Variants in BICD1 observed in about 807,000 individuals in gnomAD.
The protein encoded by BICD1 is BICD cargo adaptor 1.
BICD1 carries 35 observed loss-of-function variants against 92.5 expected under a neutral mutation model. The observed-to-expected ratio is 0.38, with a 90% confidence interval of 0.29 to 0.50. BICD1 has a LOEUF of 0.50. Among genes scored for constraint, BICD1 ranks in the 20% least tolerant of loss-of-function variants. The probability of loss-of-function intolerance (pLI) is 0.93; values close to 1 mark genes in which losing one functional copy is unlikely to be tolerated. For missense variants in BICD1, 950 were observed against 1,189.8 expected, an observed-to-expected ratio of 0.80 and a Z score of 2.97; for synonymous variants, 429 against 465.1, an observed-to-expected ratio of 0.92 and a Z score of 1.00.
intron 9 of BICD1, 118 bp from the exon 10 acceptor site, chr12:32,377,422 G>A: frequency 1.3e-6 from 1 of 796,326 alleles, no homozygotes; most frequent in Non-Finnish European, 2.2e-6. Flanking sequence ...ACCATTTACT[G>A]TGCAGATTTC....
chr12:32,351,341 C>T (rs1012230670), intron 8 of BICD1, among the ~76,000 whole-genome samples: 1 of 151,090 alleles, frequency 6.6e-6, no homozygotes, highest in Non-Finnish European at 1.5e-5. Context: ...CAAAAATTAG[C>T]CGGGCATGGT....
intron 1 of BICD1, among the ~76,000 whole-genome samples, chr12:32,178,797 G>A (rs539394981): frequency 1.3e-5 from 2 of 152,036 alleles, no homozygotes; most frequent in South Asian, 4.2e-4. Flanking sequence ...GGCTGGCTGG[G>A]TTGGTAAAAA....
chr12:32,365,219 A>G (rs2136327694), intron 8 of BICD1, among the ~76,000 whole-genome samples: 1 of 152,324 alleles, frequency 6.6e-6, no homozygotes, highest in African/African-American at 2.4e-5. Flanking sequence ...CCTGGGCAAC[A>G]AGAGCAAAAC....
At chr12:32,219,202 A>C (rs1418027483) in intron 2 of BICD1, among the ~76,000 whole-genome samples, 2 of 152,032 alleles carry the variant, frequency 1.3e-5, no homozygotes, top group Admixed American at 6.6e-5. Context: ...TAATGGGATA[A>C]TTTTTCTTTA....
In BICD1 at chr12:32,210,469, G is replaced by A. The variant is rs73297295; in HGVS notation, c.214-5778G>A. On this transcript the variant is annotated intron_variant, in intron 1 of 9. Transcript: ENST00000652176. ...ACGAAATTTCTGTTTATCAATTAACGTATCATCCTGAATATGAACACAGAA... is the reference window on the plus strand; with the variant it reads ...ACGAAATTTCTGTTTATCAATTAACATATCATCCTGAATATGAACACAGAA... 1.2e-3 allele frequency among the ~76,000 whole-genome samples: 183 copies of A among 152,038 alleles called. 1 individual carries two copies. The highest frequency in any genetic ancestry group is 4.2e-3 in the African/African-American group (173 of 41,472).
intron 2 of BICD1, among the ~76,000 whole-genome samples, chr12:32,270,664 A>G (rs1320831443): frequency 6.6e-6 from 1 of 152,226 alleles, no homozygotes; most frequent in African/African-American, 2.4e-5. Context: ...AACACCACCC[A>G]TACACACTGA....
intron 2 of BICD1, among the ~76,000 whole-genome samples, chr12:32,226,394 A>G (rs1358164510): frequency 6.6e-6 from 1 of 152,218 alleles, no homozygotes; most frequent in Non-Finnish European, 1.5e-5. Context: ...TCGGCCTCCC[A>G]AAGTGCTTGG....
intron 1 of BICD1, among the ~76,000 whole-genome samples, chr12:32,125,876 TA>T (rs11320031): frequency 0.3 from 42,251 of 140,402 alleles, 6,106 homozygotes; most frequent in Admixed American, 0.44. Flanking sequence ...ACCCCGTCTC[TA>T]AAAAAAAAAA....
At chr12:32,217,228 G>C (rs1945386508) in intron 2 of BICD1, among the ~76,000 whole-genome samples, 1 of 152,132 alleles carries the variant, frequency 6.6e-6, no homozygotes, top group African/African-American at 2.4e-5. Flanking sequence ...AGCTATAGAA[G>C]AGACGCAGAC....
rs181453322 is a variant in BICD1, at chr12:32,134,549, A to G, written c.213+27005A>G. Among the ~76,000 whole-genome samples the G allele has an allele frequency of 1.9e-3, 295 of 152,318 alleles. 2 individuals are homozygous for G. Among genetic ancestry groups the G allele is most frequent in the East Asian group, 4.2e-3 (22 of 5,188 alleles). ...AAGTGAGCAGGCCATCTGAGGAGAG[A>G]GAGACTTCCCTGTTGGCTCATCATG... On this transcript the variant is annotated intron_variant, in intron 1 of 9. Coordinates refer to ENST00000652176, the MANE Select transcript of BICD1 (RefSeq NM_001714.4).
intron 1 of BICD1, among the ~76,000 whole-genome samples, chr12:32,126,811 A>G (rs1283432173): frequency 6.6e-6 from 1 of 152,130 alleles, no homozygotes; most frequent in Admixed American, 6.6e-5. Context: ...AAATATAAAT[A>G]TACAAGGAAC....
At chr12:32,203,462 C>G (rs191983344) in intron 1 of BICD1, among the ~76,000 whole-genome samples, 1 of 152,086 alleles carries the variant, frequency 6.6e-6, no homozygotes, top group Non-Finnish European at 1.5e-5. Context: ...CAGCAACAAC[C>G]GAAGCATACC....
chr12:32,166,852 C>T (rs1016740740), intron 1 of BICD1, among the ~76,000 whole-genome samples: 2 of 152,150 alleles, frequency 1.3e-5, no homozygotes, highest in Non-Finnish European at 2.9e-5. Flanking sequence ...AATAGTGTCT[C>T]TTGCCTTATA....
intron 4 of BICD1, among the ~76,000 whole-genome samples, chr12:32,319,580 C>A (rs11051928): frequency 0.25 from 37,822 of 151,416 alleles, 5,130 homozygotes; most frequent in East Asian, 0.59. Flanking sequence ...TTTTTAGTTT[C>A]GTTTTTTTTT....
intron 4 of BICD1, among the ~76,000 whole-genome samples, chr12:32,321,714 T>G (rs970337385): frequency 6.6e-6 from 1 of 152,186 alleles, no homozygotes; most frequent in Non-Finnish European, 1.5e-5. Context: ...CTAAAACAAT[T>G]TAGGCCAGGC....
At chr12:32,320,020 C>T (rs980715885) in intron 4 of BICD1, among the ~76,000 whole-genome samples, 1 of 152,212 alleles carries the variant, frequency 6.6e-6, no homozygotes, top group Non-Finnish European at 1.5e-5. Flanking sequence ...TGAATTCCCT[C>T]ATATAGAGTT....
chr12:32,315,248 C>T (rs930223889), intron 4 of BICD1, among the ~76,000 whole-genome samples: 1 of 152,174 alleles, frequency 6.6e-6, no homozygotes, highest in Non-Finnish European at 1.5e-5. Context: ...TATCTTTGTA[C>T]CCTTGTCCAA....
At chr12:32,306,452 G>T (rs1948224841) in intron 4 of BICD1, among the ~76,000 whole-genome samples, 1 of 151,864 alleles carries the variant, frequency 6.6e-6, no homozygotes, top group Non-Finnish European at 1.5e-5. Context: ...CACCGTATTA[G>T]CCAGGATGGT....
intron 8 of BICD1, among the ~76,000 whole-genome samples, chr12:32,361,632 G>A (rs76481661): frequency 0.026 from 4,024 of 152,182 alleles, 75 homozygotes; most frequent in Non-Finnish European, 0.039. Flanking sequence ...TCAGAGGACA[G>A]AGATAGTTTT....
Sources: gnomAD v4.1 joint callset for allele counts (sites outside exome capture counted in the v4.1 genomes callset) on GRCh38, gnomAD v4.1.1 for gene constraint, MANE v1.5 for transcripts, NCBI Gene and HGNC (gene_info 2026-07-23, HGNC 2026-07-21) for gene names.